Variants in CSMD3 observed in about 807,000 individuals in gnomAD.
CSMD3 encodes the protein CUB and sushi domain-containing protein 3.
In CSMD3, 177 loss-of-function variants were observed where a neutral mutation model predicts 435.2. The observed-to-expected ratio is 0.41, with a 90% CI of 0.36 to 0.46. CSMD3 has a LOEUF of 0.46. Ranked by LOEUF, CSMD3 falls within the 20% of genes least tolerant of loss-of-function variation. The pLI, the probability that CSMD3 is intolerant of heterozygous loss-of-function variation, is 0.34. For missense variants in CSMD3, 4,265 were observed against 4,504.6 expected (o/e 0.95, Z 1.52); for synonymous variants, 1,656 against 1,520.5 (o/e 1.09, Z -2.07).
chr8:113,379,731 T>C (rs1386314163), intron 1 of CSMD3, among the ~76,000 whole-genome samples: 1 of 152,232 alleles, frequency 6.6e-6, no homozygotes, highest in Admixed American at 6.5e-5. Flanking sequence ...CTGTGTACTT[T>C]TTAATCTTTG....
intron 13 of CSMD3, among the ~76,000 whole-genome samples, chr8:112,756,602 TAGAAA>T (rs1406083484): frequency 1.3e-5 from 2 of 152,160 alleles, no homozygotes; most frequent in African/African-American, 4.8e-5. Flanking sequence ...CTGCTTTTCT[TAGAAA>T]ACAATCAGTT....
intron 13 of CSMD3, among the ~76,000 whole-genome samples, chr8:112,753,804 T>C (rs748625000): frequency 1.3e-5 from 2 of 152,210 alleles, no homozygotes; most frequent in Non-Finnish European, 2.9e-5. Flanking sequence ...TGAGGAGTTT[T>C]AAGGACAATC....
intron 38 of CSMD3, among the ~76,000 whole-genome samples, chr8:112,374,340 T>C (rs1448801329): frequency 2.6e-5 from 4 of 152,162 alleles, no homozygotes; most frequent in Admixed American, 2.0e-4. Flanking sequence ...TTCCATATCC[T>C]GTAACTCTCT....
intron 22 of CSMD3, among the ~76,000 whole-genome samples, chr8:112,608,398 C>A (rs1832963120): frequency 6.6e-6 from 1 of 151,974 alleles, no homozygotes; most frequent in Admixed American, 6.6e-5. Flanking sequence ...TAATTCAATT[C>A]CTATCAAAAT....
intron 16 of CSMD3, among the ~76,000 whole-genome samples, chr8:112,677,257 G>C (rs549098954): frequency 6.6e-6 from 1 of 151,826 alleles, no homozygotes; most frequent in South Asian, 2.1e-4. Flanking sequence ...CTGTGTGTGT[G>C]TAAGCATGGG....
At chr8:113,135,739 G>A (rs1160490568) in intron 4 of CSMD3, among the ~76,000 whole-genome samples, 1 of 151,602 alleles carries the variant, frequency 6.6e-6, no homozygotes, top group Non-Finnish European at 1.5e-5. Context: ...CCAATTACTT[G>A]GATCCTTTCA....
At chr8:112,685,285 G>A in intron 15 of CSMD3, 121 bp downstream of exon 15, 2 of 756,670 alleles carry the variant, frequency 2.6e-6, no homozygotes, top group South Asian at 3.4e-5. Context: ...GGCACAATGA[G>A]ATTTACAGCT....
chr8:112,453,746 G>C (rs1050297961), intron 32 of CSMD3, among the ~76,000 whole-genome samples: 2 of 152,062 alleles, frequency 1.3e-5, no homozygotes, highest in Non-Finnish European at 2.9e-5. Context: ...ATTTTTCACA[G>C]AATTAGAAAA....
intron 38 of CSMD3, among the ~76,000 whole-genome samples, chr8:112,371,322 C>A (rs955428241): frequency 6.6e-6 from 1 of 152,142 alleles, no homozygotes; most frequent in Non-Finnish European, 1.5e-5. Flanking sequence ...ATACAGAATA[C>A]GACATCTCAA....
At chr8:113,319,961 T>C (rs543561201) in intron 1 of CSMD3, among the ~76,000 whole-genome samples, 1 of 152,184 alleles carries the variant, frequency 6.6e-6, no homozygotes, top group Non-Finnish European at 1.5e-5. Flanking sequence ...CTTTCATCTA[T>C]TCATCACATA....
chr8:113,076,010 G>A (rs2089319402), intron 5 of CSMD3, among the ~76,000 whole-genome samples: 1 of 151,616 alleles, frequency 6.6e-6, no homozygotes, highest in South Asian at 2.1e-4. Context: ...TTCAACTATT[G>A]TATTCCTACT....
intron 1 of CSMD3, among the ~76,000 whole-genome samples, chr8:113,328,727 C>CTTTTT (rs1554611986): frequency 2.3e-5 from 2 of 87,274 alleles, no homozygotes; most frequent in African/African-American, 1.1e-4. Flanking sequence ...TCTTTCCTTC[C>CTTTTT]TTCTTTTCTT....
chr8:113,301,636 AT>A (rs1413940250), intron 2 of CSMD3, among the ~76,000 whole-genome samples: 2 of 151,814 alleles, frequency 1.3e-5, no homozygotes, highest in Admixed American at 1.3e-4. Flanking sequence ...GACACTTGTG[AT>A]TTTTTTCTCT....
chr8:112,453,376 C>A (rs1040313679), intron 32 of CSMD3, among the ~76,000 whole-genome samples: 1 of 152,004 alleles, frequency 6.6e-6, no homozygotes, highest in African/African-American at 2.4e-5. Flanking sequence ...AAGAACTCTG[C>A]CAAAATGTAC....
chr8:112,852,642 G>A (rs1020589086), intron 11 of CSMD3, among the ~76,000 whole-genome samples: 1 of 152,040 alleles, frequency 6.6e-6, no homozygotes, highest in Non-Finnish European at 1.5e-5. Context: ...GAAAAAATAG[G>A]TCAGGCATGG....
chr8:113,348,804 C>T (rs928760690), intron 1 of CSMD3, among the ~76,000 whole-genome samples: 1 of 151,896 alleles, frequency 6.6e-6, no homozygotes, highest in African/African-American at 2.4e-5. Context: ...CTATTTTAGG[C>T]TTACGTGTAT....
intron 10 of CSMD3, among the ~76,000 whole-genome samples, chr8:112,900,920 G>A (rs2130436548): frequency 6.6e-6 from 1 of 151,258 alleles, no homozygotes; most frequent in East Asian, 2.0e-4. Flanking sequence ...ATCAGAGATA[G>A]CCATCCTAAC....
chr8:112,651,015 T>C (rs1053581617), intron 18 of CSMD3, among the ~76,000 whole-genome samples: 16 of 152,110 alleles, frequency 1.1e-4, no homozygotes, highest in African/African-American at 3.9e-4. Flanking sequence ...TGCATTGGAG[T>C]ACTTTTAGAA....
chr8:112,591,316 T>C (rs1290650956), intron 22 of CSMD3, among the ~76,000 whole-genome samples: 3 of 152,110 alleles, frequency 2.0e-5, no homozygotes, highest in Non-Finnish European at 4.4e-5. Flanking sequence ...AAGAAATGTG[T>C]ACTGAAATTT....
Sources: gnomAD v4.1 joint callset for allele counts (sites outside exome capture counted in the v4.1 genomes callset) on GRCh38, gnomAD v4.1.1 for gene constraint, MANE v1.5 for transcripts, NCBI Gene and HGNC (gene_info 2026-07-23, HGNC 2026-07-21) for gene names.